ADGRG6: variants seen among roughly 807,000 people sequenced by gnomAD.
The protein encoded by ADGRG6 is G-protein coupled receptor 126.
In ADGRG6, 84 loss-of-function variants were observed where a neutral mutation model predicts 142.4. The observed-to-expected ratio is 0.59, with a 90% CI of 0.49 to 0.71. The LOEUF is 0.71. Ranked by LOEUF, ADGRG6 falls within the 30% of genes least tolerant of loss-of-function variation. The probability of loss-of-function intolerance (pLI) is 0.00; values close to 1 mark genes in which losing one functional copy is unlikely to be tolerated. For missense variants in ADGRG6, 1,367 were observed against 1,466.6 expected (o/e 0.93, Z 1.11); for synonymous variants, 521 against 520.5 (o/e 1.00, Z -0.01).
chr6:142,348,634 T>C (rs1009034999), intron 2 of ADGRG6, among the ~76,000 whole-genome samples: 22 of 151,780 alleles, frequency 1.4e-4, no homozygotes, highest in African/African-American at 5.1e-4. Flanking sequence ...GGTGGTTTTT[T>C]TTTTTTAGAT....
At chr6:142,383,661 T>C (rs746225730) in intron 5 of ADGRG6, 99 bp from the exon 6 acceptor site, 39 of 667,880 alleles carry the variant, frequency 5.8e-5, no homozygotes, top group Non-Finnish European at 7.5e-5. Context: ...GTTTCCATTC[T>C]TCCCCTATAT....
intron 2 of ADGRG6, among the ~76,000 whole-genome samples, chr6:142,322,812 A>G (rs140162815): frequency 5.1e-4 from 78 of 152,254 alleles, no homozygotes; most frequent in Middle Eastern, 3.4e-3. Context: ...TCTATTTACT[A>G]TAAAGTGATT....
At chr6:142,416,551 A>G (rs1176719245) in intron 20 of ADGRG6, among the ~76,000 whole-genome samples, 1 of 152,200 alleles carries the variant, frequency 6.6e-6, no homozygotes, top group African/African-American at 2.4e-5. Flanking sequence ...GTCCTCAGTC[A>G]GACATAGGTG....
At chr6:142,365,161 C>T (rs890540684) in intron 2 of ADGRG6, among the ~76,000 whole-genome samples, 11 of 152,160 alleles carry the variant, frequency 7.2e-5, no homozygotes, top group Non-Finnish European at 1.6e-4. Flanking sequence ...CAAAGTAACA[C>T]AAAGCTGAAC....
At chr6:142,341,548 TATAG>T (rs1373583725) in intron 2 of ADGRG6, among the ~76,000 whole-genome samples, 1 of 119,494 alleles carries the variant, frequency 8.4e-6, no homozygotes, top group African/African-American at 3.4e-5. Flanking sequence ...GTATATAATA[TATAG>T]TATATATACT....
At chr6:142,360,927 C>T (rs1208915041) in intron 2 of ADGRG6, among the ~76,000 whole-genome samples, 1 of 152,202 alleles carries the variant, frequency 6.6e-6, no homozygotes, top group African/African-American at 2.4e-5. Flanking sequence ...GTTGGGATTA[C>T]AGGCATGAGC....
chr6:142,331,176 C>T (rs1779039832), intron 2 of ADGRG6, among the ~76,000 whole-genome samples: 1 of 151,690 alleles, frequency 6.6e-6, no homozygotes, highest in African/African-American at 2.4e-5. Context: ...TTTCAGTTGT[C>T]CTGGACTTTT....
At chr6:142,359,356 A>G (rs998909627) in intron 2 of ADGRG6, among the ~76,000 whole-genome samples, 1 of 151,876 alleles carries the variant, frequency 6.6e-6, no homozygotes, top group Non-Finnish European at 1.5e-5. Flanking sequence ...ATCTCTGCCT[A>G]CTTTGTCATC....
chr6:142,356,633 C>T (rs1780458639), intron 2 of ADGRG6, among the ~76,000 whole-genome samples: 1 of 152,126 alleles, frequency 6.6e-6, no homozygotes, highest in Non-Finnish European at 1.5e-5. Flanking sequence ...AATTGAGGCT[C>T]TATTATGTGT....
intron 2 of ADGRG6, among the ~76,000 whole-genome samples, chr6:142,344,784 A>T (rs1334618053): frequency 6.6e-6 from 1 of 151,982 alleles, no homozygotes; most frequent in African/African-American, 2.4e-5. Context: ...AGATACACAG[A>T]CACAGCTTTT....
chr6:142,317,792 T>TATTATATC (rs1194557813), intron 2 of ADGRG6, among the ~76,000 whole-genome samples: 1 of 91,990 alleles, frequency 1.1e-5, no homozygotes, highest in South Asian at 2.6e-4. Context: ...TTATATATAA[T>TATTATATC]ATATATATTA....
At chr6:142,349,051 A>G (rs1291846146) in intron 2 of ADGRG6, among the ~76,000 whole-genome samples, 2 of 152,218 alleles carry the variant, frequency 1.3e-5, no homozygotes, top group Non-Finnish European at 2.9e-5. Flanking sequence ...TAAGTAAGTG[A>G]TCCAATCTAG....
Position 142,399,591 on chromosome 6 carries a change from A to ACATTTATAC in ADGRG6, c.1568-888_1568-887insTACCATTTA, listed in dbSNP as rs1775392928. ...AGCACCACTCTGTCCATATATTTAG[A>ACATTTATAC]CATTTAATTTATACCATTTAATTTA... On this transcript the variant is annotated intron_variant, in intron 10 of 24. Transcript: ENST00000367609. Among the ~76,000 whole-genome samples, 6 of 152,182 alleles carry ACATTTATAC rather than the reference A, an allele frequency of 3.9e-5. No homozygotes were observed. The South Asian group carries it at 1.2e-3, about 32-fold the overall frequency.
At chr6:142,435,663 C>T (rs1777450617) in intron 22 of ADGRG6, among the ~76,000 whole-genome samples, 2 of 152,012 alleles carry the variant, frequency 1.3e-5, no homozygotes, top group Admixed American at 6.6e-5. Context: ...GCCAGCACAG[C>T]ATTGAATACA....
chr6:142,433,546 C>G (rs1289625002), intron 22 of ADGRG6, among the ~76,000 whole-genome samples: 1 of 152,108 alleles, frequency 6.6e-6, no homozygotes, highest in Non-Finnish European at 1.5e-5. Flanking sequence ...GAGGATCAGC[C>G]TGCAAAGCCT....
intron 18 of ADGRG6, among the ~76,000 whole-genome samples, chr6:142,412,257 T>A (rs1021265704): frequency 1.3e-5 from 2 of 152,184 alleles, no homozygotes; most frequent in African/African-American, 4.8e-5. Context: ...AGCATAGCCT[T>A]TGTTTCTGTT....
intron 1 of ADGRG6, among the ~76,000 whole-genome samples, chr6:142,306,328 G>A (rs1777493962): frequency 6.6e-6 from 1 of 152,114 alleles, no homozygotes; most frequent in African/African-American, 2.4e-5. Context: ...CTGTAGAAGG[G>A]TTACATTCTA....
intron 17 of ADGRG6, 112 bp from the exon 18 acceptor site, chr6:142,411,193 A>C: frequency 1.5e-6 from 1 of 657,686 alleles, no homozygotes; most frequent in South Asian, 1.8e-5. Flanking sequence ...TTTTACAGAT[A>C]AACTCTGTAT....
At chr6:142,307,781 A>T (rs908702749) in intron 1 of ADGRG6, among the ~76,000 whole-genome samples, 10 of 151,990 alleles carry the variant, frequency 6.6e-5, no homozygotes, top group African/African-American at 2.4e-4. Context: ...GGATGGATGG[A>T]TTTGAAAACA....
Sources: gnomAD v4.1 joint callset for allele counts (sites outside exome capture counted in the v4.1 genomes callset) on GRCh38, gnomAD v4.1.1 for gene constraint, MANE v1.5 for transcripts, NCBI Gene and HGNC (gene_info 2026-07-23, HGNC 2026-07-21) for gene names.